Variants in CENPO observed in about 807,000 individuals in gnomAD.
The protein encoded by CENPO is centromeric protein O.
In CENPO, 30 loss-of-function variants were observed where a neutral mutation model predicts 36.1. The observed-to-expected ratio is 0.83, with a 90% CI of 0.62 to 1.13. The LOEUF is 1.13. Ranked by LOEUF, CENPO falls within the 50% of genes most tolerant of loss-of-function variation. CENPO has a pLI of 0.00. For missense variants in CENPO, 349 were observed against 357.8 expected, an observed-to-expected ratio of 0.98 and a Z score of 0.20; for synonymous variants, 171 against 142.3, an observed-to-expected ratio of 1.20 and a Z score of -1.44.
At chr2:24,794,043 A>C in intron 2 of CENPO, 78 bp downstream of exon 2, 1 of 1,135,710 alleles carries the variant, frequency 8.8e-7, no homozygotes, top group Non-Finnish European at 1.3e-6. Flanking sequence ...TTCCTCCTGG[A>C]ACTGACGTGG....
intron 6 of CENPO, 21 bp from the exon 7 acceptor site, chr2:24,817,649 T>G: frequency 2.5e-6 from 4 of 1,614,160 alleles, no homozygotes; most frequent in Non-Finnish European, 3.4e-6. Flanking sequence ...TGAATGAGAT[T>G]GATGGAATCT....
Position 24,793,835 on chromosome 2 carries a change from C to G in CENPO, c.-68-17C>G, listed in dbSNP as rs1386726204. 1 of 1,587,292 alleles carries G rather than the reference C, an allele frequency of 6.3e-7. No homozygotes were observed. Among genetic ancestry groups the G allele is most frequent in the African/African-American group, 1.3e-5 (1 of 74,546 alleles). ...GGACTAGATGTGATGTGACTGTTGCCATTTTTCTTTTATTAGCAAGGACAT... is the reference window on the plus strand; with the variant it reads ...GGACTAGATGTGATGTGACTGTTGCGATTTTTCTTTTATTAGCAAGGACAT... On this transcript the variant is annotated splice_polypyrimidine_tract_variant and intron_variant, in intron 1 of 7. Coordinates refer to ENST00000380834, the MANE Select transcript of CENPO (RefSeq NM_001322101.2).
intron 7 of CENPO, 66 bp from the exon 8 acceptor site, chr2:24,819,288 A>C (rs1667164290): frequency 6.5e-6 from 1 of 152,704 alleles, no homozygotes; most frequent in African/African-American, 2.4e-5. Flanking sequence ...GCAATATCGG[A>C]AAGTGTATTT....
chr2:24,817,130 T>C (rs1025143905), intron 6 of CENPO, among the ~76,000 whole-genome samples: 2 of 152,068 alleles, frequency 1.3e-5, no homozygotes, highest in Non-Finnish European at 2.9e-5. Context: ...TAAGGCTGAG[T>C]CATGGGTCAG....
At chr2:24,796,467 G>A (rs1165821197) in intron 2 of CENPO, among the ~76,000 whole-genome samples, 1 of 152,028 alleles carries the variant, frequency 6.6e-6, no homozygotes, top group Non-Finnish European at 1.5e-5. Context: ...GAACTTTAAG[G>A]TTCAGTGGAA....
rs748135467 is a variant in CENPO, at chr2:24,815,516, C to T, written c.354C>T (p.Thr118=). The T allele has an allele frequency of 1.9e-6, 3 of 1,613,822 alleles. No individual in the cohort carries two copies. In the South Asian group the frequency reaches 3.3e-5, roughly 18 times the overall value. The change falls in exon 5 of 8, where the codon ACC becomes ACT. Residue 118 remains threonine, a synonymous_variant. Coordinates refer to ENST00000380834, the MANE Select transcript of CENPO (RefSeq NM_001322101.2). ...CCTCAGGCCTCAGTGGTAAACTGAC[C>T]AGCCGAGGAGTTTGTGTCTGCATCA... is the stretch of plus-strand genomic sequence containing the variant. ...YHFTGLSGKL[T]SRGVCVCIST...
intron 6 of CENPO, among the ~76,000 whole-genome samples, 193 bp downstream of exon 6, chr2:24,817,010 C>T (rs548406630): frequency 1.3e-5 from 2 of 152,164 alleles, no homozygotes; most frequent in African/African-American, 4.8e-5. Context: ...AAATGGTAAA[C>T]ATGATTGTCC....
rs1380857443 is a variant in CENPO at position 24,821,650 on chromosome 2, G to C, written c.*2332G>C. On this transcript the variant is annotated 3_prime_UTR_variant, in exon 8 of 8. Coordinates refer to ENST00000380834, the MANE Select transcript of CENPO (RefSeq NM_001322101.2). ...TCTCGGACTTGTCTTCCTGTGCCAG[G>C]GGACCGTGGAGAAAGTGTCAGGGGC... 6.2e-7 allele frequency: 1 copy of C among 1,613,536 alleles called. No homozygotes were observed. Among genetic ancestry groups the C allele is most frequent in the Non-Finnish European group, 8.5e-7 (1 of 1,179,832 alleles).
chr2:24,811,837 C>G (rs192952944), intron 3 of CENPO, among the ~76,000 whole-genome samples: 6 of 152,300 alleles, frequency 3.9e-5, no homozygotes, highest in African/African-American at 1.4e-4. Context: ...ACCTCATGAT[C>G]TGCCCGCTTT....
At chr2:24,816,922 C>CTGTT in intron 6 of CENPO, 105 bp downstream of exon 6, 1 of 1,090,356 alleles carries the variant, frequency 9.2e-7, no homozygotes, top group Non-Finnish European at 1.3e-6. Flanking sequence ...GACACTTTCT[C>CTGTT]TGTTTATATA....
At chr2:24,807,372 G>A (rs915757221) in intron 3 of CENPO, among the ~76,000 whole-genome samples, 2 of 152,136 alleles carry the variant, frequency 1.3e-5, no homozygotes, top group African/African-American at 4.8e-5. Context: ...ATGTTAAAAA[G>A]CTAATTTATA....
At chr2:24,793,615 G>T in intron 1 of CENPO, 114 bp downstream of exon 1, 17 of 1,433,234 alleles carry the variant, frequency 1.2e-5, no homozygotes, top group Non-Finnish European at 1.6e-5. Flanking sequence ...AAGCCCGCTG[G>T]ACCAGAGTAG....
Position 24,822,320 on chromosome 2 carries a change from T to G in CENPO, c.*3002T>G. 1.3e-6 allele frequency: 1 copy of G among 748,890 alleles called. No homozygotes were observed. The highest frequency in any genetic ancestry group is 2.1e-6 in the Non-Finnish European group (1 of 474,336). The allele number at this position is 748,890 out of a possible 1,614,324, so 46.4% of individuals were successfully genotyped here. A position where few individuals can be genotyped will look rare whatever the true frequency, so the allele number is the denominator to read the frequency against. On this transcript the variant is annotated 3_prime_UTR_variant, in exon 8 of 8. Transcript: ENST00000380834. ...GCTGTGAACAGCAGGGGGTTGTGTGTCTGTTCTGTTTCTCTGCTTGCCGAA... is the reference window on the plus strand; with the variant it reads ...GCTGTGAACAGCAGGGGGTTGTGTGGCTGTTCTGTTTCTCTGCTTGCCGAA...
intron 3 of CENPO, among the ~76,000 whole-genome samples, chr2:24,807,577 A>G (rs181921481): frequency 7.9e-5 from 12 of 152,320 alleles, no homozygotes; most frequent in Admixed American, 7.2e-4. Flanking sequence ...CTTTGGGACA[A>G]TTATGAATGC....
At position 24,821,050 on chromosome 2, in the gene CENPO, C is replaced by A. The variant is rs544274474; in HGVS notation, c.*1732C>A. 6.7e-5 allele frequency: 44 copies of A among 658,196 alleles called. No homozygotes were observed. The highest frequency in any genetic ancestry group is 9.4e-5 in the Non-Finnish European group (38 of 405,756). 40.8% of individuals were successfully genotyped at this position (658,196 alleles called of 1,614,324 possible). The stretch of plus-strand genomic sequence containing the variant: ...TGCTTGTTAGGTGTCAGCCGCCACC[C>A]CCCCCCCATATGCAGATTTACTCGG... On this transcript the variant is annotated 3_prime_UTR_variant, in exon 8 of 8. Transcript: ENST00000380834.
At chr2:24,818,139 C>G (rs1252603654) in intron 7 of CENPO, among the ~76,000 whole-genome samples, 6 of 99,644 alleles carry the variant, frequency 6.0e-5, no homozygotes, top group Non-Finnish European at 1.2e-4. Flanking sequence ...GGAAAAATAT[C>G]AAATTATTGA....
Position 24,821,790 on chromosome 2 carries a change from G to A in CENPO, c.*2472G>A, listed in dbSNP as rs1472179873. 2.7e-5 allele frequency: 32 copies of A among 1,185,720 alleles called. No homozygotes were observed. The highest frequency in any genetic ancestry group is 6.0e-5 in the South Asian group (4 of 66,474). 73.4% of individuals were successfully genotyped at this position (1,185,720 alleles called of 1,614,324 possible). ...CCTCCCACAAAGGAGTCGCAGCCAC[G>A]CTAGCTCTGACTTGCCACTGTGACA... On this transcript the variant is annotated 3_prime_UTR_variant, in exon 8 of 8. Transcript: ENST00000380834.
intron 7 of CENPO, 97 bp downstream of exon 7, chr2:24,817,938 C>A: frequency 2.0e-6 from 2 of 991,982 alleles, no homozygotes; most frequent in Non-Finnish European, 3.0e-6. Flanking sequence ...ACCTGTTCAT[C>A]TGGATGGAAG....
chr2:24,799,927 T>A, intron 3 of CENPO, 83 bp downstream of exon 3: 1 of 1,425,154 alleles, frequency 7.0e-7, no homozygotes, highest in Non-Finnish European at 9.8e-7. Context: ...GGCCATTTTT[T>A]ATAATGTGTT....
Sources: allele counts gnomAD v4.1 joint callset (sites outside exome capture counted in the v4.1 genomes callset), GRCh38; gene constraint gnomAD v4.1.1; transcripts MANE v1.5; gene names NCBI Gene and HGNC (gene_info 2026-07-23, HGNC 2026-07-21).